DTNBP1: variants seen among roughly 807,000 people sequenced by gnomAD.
DTNBP1 encodes the protein dysbindin.
A neutral mutation model predicts 42.8 loss-of-function variants in DTNBP1; 35 were observed. The observed-to-expected ratio is 0.82, with a 90% CI of 0.63 to 1.09. The LOEUF (loss-of-function observed/expected upper bound fraction) is 1.09. Ranked by LOEUF, DTNBP1 falls within the 50% of genes least tolerant of loss-of-function variation. DTNBP1 has a pLI of 0.00. For synonymous variants in DTNBP1, 171 were observed against 162.2 expected (o/e 1.05, Z -0.41); for missense variants, 457 against 424.2 (o/e 1.08, Z -0.68).
intron 1 of DTNBP1, among the ~76,000 whole-genome samples, chr6:15,653,978 T>C (rs777428617): frequency 6.6e-6 from 1 of 152,258 alleles, no homozygotes. Flanking sequence ...CCATCTTTTC[T>C]GTCTATAACG....
At chr6:15,643,486 C>G (rs1760494778) in intron 3 of DTNBP1, among the ~76,000 whole-genome samples, 1 of 151,982 alleles carries the variant, frequency 6.6e-6, no homozygotes, top group East Asian at 1.9e-4. Context: ...CCGAGACAAA[C>G]AGTCATCAGA....
chr6:15,590,666 G>T (rs912801321), intron 7 of DTNBP1, among the ~76,000 whole-genome samples: 1 of 152,162 alleles, frequency 6.6e-6, no homozygotes, highest in Non-Finnish European at 1.5e-5. Context: ...TTAAATGAAT[G>T]CAGTATTTGG....
In DTNBP1 at chr6:15,522,927, C is replaced by T. The variant is rs768539164; in HGVS notation, c.*48G>A. 1 of 1,614,162 alleles carries T rather than the reference C, an allele frequency of 6.2e-7. No individual in the cohort carries two copies. Among genetic ancestry groups the T allele is most frequent in the Non-Finnish European group, 8.5e-7 (1 of 1,180,034 alleles). ...GGCTTTCCAGGTGGAATTCCGCATA[C>T]AGCCAAAACTGGATTCCAGTGTGGC... On this transcript the variant is annotated 3_prime_UTR_variant, in exon 10 of 10. Transcript: ENST00000344537.
chr6:15,558,643 A>G (rs1240390783), intron 7 of DTNBP1, among the ~76,000 whole-genome samples: 2 of 152,076 alleles, frequency 1.3e-5, no homozygotes, highest in Non-Finnish European at 2.9e-5. Context: ...AACTTCCAAC[A>G]CTCTCTTGAA....
intron 3 of DTNBP1, among the ~76,000 whole-genome samples, chr6:15,646,243 A>G (rs1379598401): frequency 7.0e-6 from 1 of 143,134 alleles, no homozygotes; most frequent in East Asian, 2.0e-4. Flanking sequence ...CAAGAACTCA[A>G]TCTCATTTAC....
At chr6:15,649,012 C>T (rs1397585342) in intron 3 of DTNBP1, among the ~76,000 whole-genome samples, 1 of 151,946 alleles carries the variant, frequency 6.6e-6, no homozygotes, top group African/African-American at 2.4e-5. Context: ...AAGAAAATAG[C>T]GAGCGTTGGT....
At chr6:15,608,147 C>T (rs981541618) in intron 6 of DTNBP1, among the ~76,000 whole-genome samples, 1 of 152,030 alleles carries the variant, frequency 6.6e-6, no homozygotes, top group South Asian at 2.1e-4. Context: ...CACAATTCTG[C>T]TTTTAATTAT....
Position 15,648,378 on chromosome 6 carries a change from G to C in DTNBP1, c.161+2935C>G, listed in dbSNP as rs1760801331. ...GCTTTTTCCACTTCGATTCAACACA[G>C]TACTGGATGGTCTAGCCAGAGCAAT... On this transcript the variant is annotated intron_variant, in intron 3 of 9. Transcript: ENST00000344537. Among the ~76,000 whole-genome samples the C allele has an allele frequency of 2.0e-5, 3 of 152,106 alleles. No individual in the cohort carries two copies. In the South Asian group the frequency reaches 6.2e-4, roughly 32 times the overall value.
intron 2 of DTNBP1, 135 bp from the exon 3 acceptor site, chr6:15,651,498 A>C: frequency 8.0e-7 from 1 of 1,242,582 alleles, no homozygotes; most frequent in Admixed American, 2.1e-5. Flanking sequence ...TTAAACTTTT[A>C]GAGAAATGTG....
intron 3 of DTNBP1, among the ~76,000 whole-genome samples, chr6:15,650,366 T>C (rs1465965699): frequency 6.6e-6 from 1 of 151,798 alleles, no homozygotes. Context: ...CCTGCCGAGA[T>C]CGCACCATTG....
intron 7 of DTNBP1, among the ~76,000 whole-genome samples, chr6:15,539,478 G>A (rs113407765): frequency 3.3e-5 from 5 of 152,214 alleles, no homozygotes; most frequent in Admixed American, 1.3e-4. Context: ...TTCTGTGTGC[G>A]CTCATTGGGA....
chr6:15,619,875 CCTA>C (rs1442755752), intron 5 of DTNBP1, among the ~76,000 whole-genome samples: 3 of 151,226 alleles, frequency 2.0e-5, no homozygotes, highest in African/African-American at 7.3e-5. Context: ...CAATAGTTAC[CCTA>C]CTGTGCTATA....
At chr6:15,607,286 A>G (rs1758125139) in intron 6 of DTNBP1, among the ~76,000 whole-genome samples, 1 of 149,974 alleles carries the variant, frequency 6.7e-6, no homozygotes, top group Non-Finnish European at 1.5e-5. Context: ...GGCATGAGCC[A>G]CTGTGCCCGG....
At chr6:15,614,354 C>G (rs1758600148) in intron 6 of DTNBP1, among the ~76,000 whole-genome samples, 1 of 151,816 alleles carries the variant, frequency 6.6e-6, no homozygotes, top group Non-Finnish European at 1.5e-5. Context: ...CTCCTAACAC[C>G]AAGAGTGTAC....
At chr6:15,622,075 A>G (rs1345845527) in intron 5 of DTNBP1, among the ~76,000 whole-genome samples, 1 of 152,216 alleles carries the variant, frequency 6.6e-6, no homozygotes, top group African/African-American at 2.4e-5. Context: ...TGTTGAATTC[A>G]ATAAAGAATA....
intron 7 of DTNBP1, among the ~76,000 whole-genome samples, chr6:15,534,745 T>C (rs1773114552): frequency 1.3e-5 from 2 of 152,108 alleles, no homozygotes; most frequent in African/African-American, 4.8e-5. Context: ...AATCTTGGCT[T>C]TTTAGTGTTT....
intron 6 of DTNBP1, among the ~76,000 whole-genome samples, chr6:15,600,007 C>T: frequency 6.6e-6 from 1 of 151,904 alleles, no homozygotes; most frequent in East Asian, 1.9e-4. Context: ...TCCTTACAGG[C>T]TTGTTGCCAT....
chr6:15,560,807 T>C (rs536204622), intron 7 of DTNBP1, among the ~76,000 whole-genome samples: 32 of 152,294 alleles, frequency 2.1e-4, no homozygotes, highest in African/African-American at 7.5e-4. Flanking sequence ...CACACAGGTA[T>C]TTGCAAGCAC....
intron 5 of DTNBP1, among the ~76,000 whole-genome samples, chr6:15,623,760 T>C (rs1443930814): frequency 2.0e-5 from 3 of 152,174 alleles, no homozygotes; most frequent in Non-Finnish European, 2.9e-5. Flanking sequence ...TTTTCAAACA[T>C]ATTTTTCCAG....
Sources: gnomAD v4.1 joint callset for allele counts (sites outside exome capture counted in the v4.1 genomes callset) on GRCh38, gnomAD v4.1.1 for gene constraint, MANE v1.5 for transcripts, NCBI Gene and HGNC (gene_info 2026-07-23, HGNC 2026-07-21) for gene names.